The following CSNK2A1 variants were observed in gnomAD, a reference collection of about 807,000 sequenced individuals.
The protein encoded by CSNK2A1 is casein kinase II subunit alpha.
Under a neutral mutation model 62.9 loss-of-function variants are expected in CSNK2A1, and 10 were observed. The ratio of observed to expected loss-of-function variants is 0.16; its 90% CI spans 0.10 to 0.27. The LOEUF (loss-of-function observed/expected upper bound fraction) is 0.27. Ranked by LOEUF, CSNK2A1 falls within the 10% of genes least tolerant of loss-of-function variation. CSNK2A1 has a pLI of 1.00. For synonymous variants in CSNK2A1, 124 were observed against 167.8 expected (o/e 0.74, Z 2.02); for missense variants, 160 against 492.0 (o/e 0.33, Z 6.38).
chr20:513,865 C>T (rs2018774450), intron 2 of CSNK2A1, among the ~76,000 whole-genome samples: 1 of 152,182 alleles, frequency 6.6e-6, no homozygotes, highest in Admixed American at 6.5e-5. Context: ...TGCAGTACCC[C>T]CAAAGAGGTG....
In CSNK2A1 at chr20:479,763, T is replaced by C. The variant is rs1338038305; in HGVS notation, c.*4198A>G. 1.3e-5 allele frequency: 2 copies of C among 152,212 alleles called. No homozygotes were observed. Among genetic ancestry groups the C allele is most frequent in the South Asian group, 2.1e-4 (1 of 4,832 alleles). 9.4% of individuals were successfully genotyped at this position (152,212 alleles called of 1,614,324 possible). A position where few individuals can be genotyped will look rare whatever the true frequency, so the allele number is the denominator to read the frequency against. On this transcript the variant is annotated 3_prime_UTR_variant, in exon 14 of 14. Coordinates refer to ENST00000217244, the MANE Select transcript of CSNK2A1 (RefSeq NM_177559.3). Reference sequence around the variant, plus strand: ...ATCTACATATGTTTTACTTGGAGAATAGTCTGAATTTCGTATTACACGTTG... The same window carrying C: ...ATCTACATATGTTTTACTTGGAGAACAGTCTGAATTTCGTATTACACGTTG...
chr20:543,716 C>A lies in CSNK2A1; in HGVS notation c.-271G>T. ...GGCGGCGGCCGCTCTCCCCTCTGCT[C>A]ACACAGACAATATGGCGGCGATGGA... is the stretch of plus-strand genomic sequence containing the variant. On this transcript the variant is annotated 5_prime_UTR_variant, in exon 1 of 14. Coordinates refer to ENST00000217244, the MANE Select transcript of CSNK2A1 (RefSeq NM_177559.3). The A allele has an allele frequency of 2.5e-6, 1 of 398,408 alleles. No homozygotes were observed. The highest frequency in any genetic ancestry group is 1.3e-4 in the South Asian group (1 of 7,734). The allele number at this position is 398,408 out of a possible 1,614,324, so 24.7% of individuals were successfully genotyped here.
intron 10 of CSNK2A1, chr20:489,471 TG>T: frequency 2.6e-6 from 1 of 387,448 alleles, no homozygotes; most frequent in Non-Finnish European, 4.6e-6. Context: ...ATACCACATA[TG>T]GGCTCACATA....
rs760778054 is a variant in CSNK2A1 at position 487,479 on chromosome 20, A to G, written c.921T>C (p.Tyr307=). Residue 307 remains tyrosine (Y), a synonymous_variant, in exon 12 of 14, where the codon TAT becomes TAC. Coordinates refer to ENST00000217244, the MANE Select transcript of CSNK2A1 (RefSeq NM_177559.3). ...TTGCAGTAAGCCGTGACTGGTGGTC[A>G]TATCGCAGCAGTTTGTCCAGGAAAT... ...ALDFLDKLLR[Y]DHQSRLTARE... 4 of 1,614,214 alleles carry G rather than the reference A, an allele frequency of 2.5e-6. No homozygotes were observed. Among genetic ancestry groups the G allele is most frequent in the Non-Finnish European group, 3.4e-6 (4 of 1,180,030 alleles).
chr20:520,958 A>G (rs1198778491), intron 2 of CSNK2A1, among the ~76,000 whole-genome samples: 1 of 152,186 alleles, frequency 6.6e-6, no homozygotes, highest in Admixed American at 6.6e-5. Flanking sequence ...CTGGGTGACA[A>G]GGCAAGACTC....
intron 1 of CSNK2A1, 25 bp from the exon 2 acceptor site, chr20:528,074 T>C (rs1160516896): frequency 6.6e-6 from 1 of 152,192 alleles, no homozygotes; most frequent in African/African-American, 2.4e-5. Context: ...CAGTACTCCG[T>C]TACTGAAAGG....
chr20:473,019 T>C lies in CSNK2A1; in HGVS notation c.*10942A>G, dbSNP rs751976740. ...CAAGACCTTGTCTCTAAAAAGTAAA[T>C]AAAAAAAAGAGTTGGGCTAGGTTTG... On this transcript the variant is annotated 3_prime_UTR_variant, in exon 14 of 14. Transcript: ENST00000217244. 6.6e-6 allele frequency: 1 copy of C among 151,926 alleles called. No individual in the cohort carries two copies. The highest frequency in any genetic ancestry group is 2.4e-5 in the African/African-American group (1 of 41,350). The allele number at this position is 151,926 out of a possible 1,614,324, so 9.4% of individuals were successfully genotyped here. A position where few individuals can be genotyped will look rare whatever the true frequency, so the allele number is the denominator to read the frequency against.
Position 490,067 on chromosome 20 carries a change from T to C in CSNK2A1, c.622-186A>G, listed in dbSNP as rs574618568. Among the ~76,000 whole-genome samples the C allele has an allele frequency of 1.5e-3, 221 of 151,348 alleles. 2 individuals carry two copies. Among genetic ancestry groups the C allele is most frequent in the Non-Finnish European group, 2.8e-3 (192 of 67,772 alleles). On this transcript the variant is annotated intron_variant, in intron 9 of 13. Coordinates refer to ENST00000217244, the MANE Select transcript of CSNK2A1 (RefSeq NM_177559.3). ...TTTTTTTGGAGACAGAGTCTCACTC[T>C]GCTGCCCATGCTGGAGTGCAGTGGC...
chr20:527,020 A>AGAGAGATC lies in CSNK2A1; in HGVS notation c.-110+912_-110+913insGATCTCTC. 1.3e-5 allele frequency: 2 copies of AGAGAGATC among 150,496 alleles called. 1 individual carries two copies. The highest frequency in any genetic ancestry group is 4.3e-4 in the South Asian group (2 of 4,632). 9.3% of individuals were successfully genotyped at this position (150,496 alleles called of 1,614,324 possible). A position where few individuals can be genotyped will look rare whatever the true frequency, so the allele number is the denominator to read the frequency against. On this transcript the variant is annotated intron_variant, in intron 2 of 13. Transcript: ENST00000217244. The stretch of plus-strand genomic sequence containing the variant: ...GACAGACAGAGAGAGAGAGAGAGAG[A>AGAGAGATC]GAGAGAGAGAGAGAGAGAGAGAGAA...
intron 2 of CSNK2A1, among the ~76,000 whole-genome samples, chr20:524,426 A>T (rs971538774): frequency 6.6e-6 from 1 of 151,116 alleles, no homozygotes; most frequent in African/African-American, 2.4e-5. Context: ...CTTCTCAAAA[A>T]AAAAAAAAAA....
chr20:485,554 T>C (rs2018079949), intron 13 of CSNK2A1, among the ~76,000 whole-genome samples: 1 of 152,216 alleles, frequency 6.6e-6, no homozygotes, highest in African/African-American at 2.4e-5. Context: ...AAACTCTTAT[T>C]CTACTGGCTG....
At chr20:493,000 T>C (rs1290889173) in intron 8 of CSNK2A1, among the ~76,000 whole-genome samples, 1 of 152,222 alleles carries the variant, frequency 6.6e-6, no homozygotes, top group East Asian at 1.9e-4. Context: ...GTGCATAGCA[T>C]GACCATGATC....
rs1291875716 is a variant in CSNK2A1 at position 510,173 on chromosome 20, CT to C, written c.-109-1514del. ...CAATAGTTAAGAGAATATACCTATTCTTTTTTTTTTTTTTTTGAGATGGAGT... is the reference window on the plus strand; with the variant it reads ...CAATAGTTAAGAGAATATACCTATTCTTTTTTTTTTTTTTTGAGATGGAGT... On this transcript the variant is annotated intron_variant, in intron 2 of 13. Coordinates refer to ENST00000217244, the MANE Select transcript of CSNK2A1 (RefSeq NM_177559.3). 1,289 of 137,120 alleles carry C rather than the reference CT, an allele frequency of 9.4e-3. 9 individuals are homozygous for C. The highest frequency in any genetic ancestry group is 0.026 in the African/African-American group (965 of 37,570). The allele number at this position is 137,120 out of a possible 1,614,324, so 8.5% of individuals were successfully genotyped here.
chr20:504,284 G>A (rs2018531935), intron 4 of CSNK2A1: 2 of 152,194 alleles, frequency 1.3e-5, no homozygotes, highest in South Asian at 4.1e-4. Flanking sequence ...GGAGTACCGT[G>A]AAAAATTAAA....
intron 2 of CSNK2A1, among the ~76,000 whole-genome samples, chr20:511,517 C>T (rs1357003020): frequency 6.6e-6 from 1 of 152,150 alleles, no homozygotes; most frequent in East Asian, 1.9e-4. Context: ...CTCTTTGCAA[C>T]CACTATTCTA....
intron 9 of CSNK2A1, 117 bp from the exon 10 acceptor site, chr20:489,998 A>C: frequency 3.4e-5 from 23 of 685,020 alleles, no homozygotes; most frequent in Non-Finnish European, 4.9e-5. Flanking sequence ...AAATCAAAAC[A>C]CTAATAACAT....
intron 9 of CSNK2A1, among the ~76,000 whole-genome samples, chr20:490,582 T>C (rs2018206770): frequency 6.6e-6 from 1 of 151,490 alleles, no homozygotes; most frequent in Non-Finnish European, 1.5e-5. Flanking sequence ...TTTTTTGTAT[T>C]TTTAGTAGAG....
In CSNK2A1 at chr20:478,902, GGGTA is replaced by G. The variant is rs2017902532; in HGVS notation, c.*5055_*5058del. 5.2e-6 allele frequency: 1 copy of G among 193,022 alleles called. No individual in the cohort carries two copies. Among genetic ancestry groups the G allele is most frequent in the Non-Finnish European group, 1.1e-5 (1 of 90,276 alleles). The allele number at this position is 193,022 out of a possible 1,614,324, so 12.0% of individuals were successfully genotyped here. A position where few individuals can be genotyped will look rare whatever the true frequency, so the allele number is the denominator to read the frequency against. ...TGATGGCGCTACTGCACTCTAGCCTGGGTAACAGAGCAAGACCCGTATCAAAAAA... is the reference window on the plus strand; with the variant it reads ...TGATGGCGCTACTGCACTCTAGCCTGACAGAGCAAGACCCGTATCAAAAAA... On this transcript the variant is annotated 3_prime_UTR_variant, in exon 14 of 14. Coordinates refer to ENST00000217244, the MANE Select transcript of CSNK2A1 (RefSeq NM_177559.3).
At chr20:489,370 A>T in intron 10 of CSNK2A1, 1 of 225,354 alleles carries the variant, frequency 4.4e-6, no homozygotes, top group Non-Finnish European at 8.6e-6. Context: ...CTTGTGAATG[A>T]AAGAGCCCTT....
Sources: gnomAD v4.1 joint callset for allele counts (sites outside exome capture counted in the v4.1 genomes callset) on GRCh38, gnomAD v4.1.1 for gene constraint, MANE v1.5 for transcripts, NCBI Gene and HGNC (gene_info 2026-07-23, HGNC 2026-07-21) for gene names.